Variants in FOXK2 observed in about 807,000 individuals in gnomAD.
FOXK2 encodes forkhead box protein K2.
FOXK2 carries 24 observed loss-of-function variants against 53.3 expected under a neutral mutation model. The ratio of observed to expected loss-of-function variants is 0.45; its 90% CI spans 0.33 to 0.63. The LOEUF (loss-of-function observed/expected upper bound fraction) is 0.63. Ranked by LOEUF, FOXK2 falls within the 30% of genes least tolerant of loss-of-function variation. FOXK2 has a pLI of 0.03. For synonymous variants in FOXK2, 505 were observed against 407.1 expected, an observed-to-expected ratio of 1.24 and a Z score of -2.89; for missense variants, 952 against 910.5, an observed-to-expected ratio of 1.05 and a Z score of -0.59.
chr17:82,585,910 C>T lies in FOXK2; in HGVS notation c.1286C>T (p.Pro429Leu). 5 of 1,610,612 alleles carry T rather than the reference C, an allele frequency of 3.1e-6. No individual in the cohort carries two copies. The highest frequency in any genetic ancestry group is 2.2e-5 in the South Asian group (2 of 90,988). ...CTGCTGTGTCTTTCACCAGGGTCAC[C>T]TCTGTCCAGTCAGCCAGTCTTAATC... Reference protein sequence around the residue: ...ARFAQSAPGSPLSSQPVLITV... With the variant: ...ARFAQSAPGSLLSSQPVLITV... The change falls in exon 7 of 9, where the codon CCT becomes CTT. Residue 429 changes from proline (P) to leucine (L), a missense_variant. Coordinates refer to ENST00000335255, the MANE Select transcript of FOXK2 (RefSeq NM_004514.4).
chr17:82,584,292 C>A, intron 6 of FOXK2, 104 bp downstream of exon 6: 1 of 1,219,898 alleles, frequency 8.2e-7, no homozygotes, highest in South Asian at 1.7e-5. Context: ...CTGCCTGTCC[C>A]TCTGTACCTT....
intron 7 of FOXK2, among the ~76,000 whole-genome samples, chr17:82,586,707 G>T (rs2045177123): frequency 1.3e-5 from 2 of 152,066 alleles, no homozygotes; most frequent in South Asian, 2.1e-4. Context: ...TTGGAGACCA[G>T]CCTGACCAAC....
intron 1 of FOXK2, among the ~76,000 whole-genome samples, chr17:82,535,419 C>G (rs1455085431): frequency 6.6e-6 from 1 of 152,168 alleles, no homozygotes; most frequent in Admixed American, 6.5e-5. Flanking sequence ...TTCAGACATT[C>G]TTTCTGCCCA....
intron 1 of FOXK2, among the ~76,000 whole-genome samples, chr17:82,530,515 T>G (rs545084072): frequency 5.4e-5 from 8 of 148,300 alleles, no homozygotes; most frequent in Admixed American, 1.3e-4. Context: ...GATGTGTTTT[T>G]TTTTTTTTTT....
chr17:82,570,216 T>C (rs1231339255), intron 3 of FOXK2, among the ~76,000 whole-genome samples: 3 of 145,794 alleles, frequency 2.1e-5, no homozygotes, highest in Non-Finnish European at 4.5e-5. Flanking sequence ...AGCGAGACTC[T>C]GTCTCAAAAA....
intron 1 of FOXK2, among the ~76,000 whole-genome samples, chr17:82,533,332 TGC>T (rs2044490086): frequency 6.6e-6 from 1 of 151,894 alleles, no homozygotes; most frequent in Admixed American, 6.6e-5. Context: ...CTACTAAAAA[TGC>T]AAAAAATTAG....
chr17:82,584,253 C>A, intron 6 of FOXK2, 65 bp downstream of exon 6: 1 of 1,461,144 alleles, frequency 6.8e-7, no homozygotes, highest in Non-Finnish European at 9.1e-7. Context: ...GCCTGGGCTC[C>A]ACAGAGAAGA....
intron 8 of FOXK2, 85 bp from the exon 9 acceptor site, chr17:82,601,218 C>A: frequency 7.0e-7 from 1 of 1,418,930 alleles, no homozygotes; most frequent in Non-Finnish European, 9.7e-7. Context: ...TTCTGACTCG[C>A]GAGGGTTCAC....
intron 6 of FOXK2, 129 bp downstream of exon 6, chr17:82,584,317 T>C: frequency 2.1e-6 from 2 of 965,046 alleles, no homozygotes; most frequent in Non-Finnish European, 2.9e-6. Context: ...TAGTACCTGA[T>C]TTTATAGGCC....
intron 1 of FOXK2, among the ~76,000 whole-genome samples, chr17:82,548,784 T>C (rs557290487): frequency 6.6e-6 from 1 of 152,244 alleles, no homozygotes; most frequent in Admixed American, 6.5e-5. Flanking sequence ...GGGGGAGGCA[T>C]GGGTGTTTGG....
chr17:82,601,297 T>C lies in FOXK2; in HGVS notation c.1787-6T>C. 1 of 1,607,670 alleles carries C rather than the reference T, an allele frequency of 6.2e-7. No individual in the cohort carries two copies. The highest frequency in any genetic ancestry group is 1.1e-5 in the South Asian group (1 of 90,836). Reference sequence around the variant, plus strand: ...GTGGGGTTCTGACTCCCTCGTGTCATTTCAGCCGCGGCGAGTCCTTTGCAC... The same window carrying C: ...GTGGGGTTCTGACTCCCTCGTGTCACTTCAGCCGCGGCGAGTCCTTTGCAC... On this transcript the variant is annotated splice_region_variant and splice_polypyrimidine_tract_variant and intron_variant, in intron 8 of 8. Transcript: ENST00000335255.
In FOXK2 at chr17:82,538,049, C is replaced by A. The variant is rs183790846; in HGVS notation, c.419+17742C>A. Among the ~76,000 whole-genome samples, 10 of 151,940 alleles carry A rather than the reference C, an allele frequency of 6.6e-5. No individual in the cohort carries two copies. In the East Asian group the frequency reaches 1.9e-3, roughly 29 times the overall value. ...GACTAGCTTGGCCAACATGGTGAAACCCTGTCTCTACAAAAATACAAAAAT... is the reference window on the plus strand; with the variant it reads ...GACTAGCTTGGCCAACATGGTGAAAACCTGTCTCTACAAAAATACAAAAAT... On this transcript the variant is annotated intron_variant, in intron 1 of 8. Coordinates refer to ENST00000335255, the MANE Select transcript of FOXK2 (RefSeq NM_004514.4).
chr17:82,568,823 A>C (rs1189933867), intron 3 of FOXK2, among the ~76,000 whole-genome samples: 1 of 151,862 alleles, frequency 6.6e-6, no homozygotes, highest in East Asian at 1.9e-4. Flanking sequence ...CAGCCTGGTC[A>C]ACATGGTTAA....
chr17:82,586,516 A>G (rs1373457598), intron 7 of FOXK2, among the ~76,000 whole-genome samples: 1 of 116,686 alleles, frequency 8.6e-6, no homozygotes. Flanking sequence ...GGAAAGGAGG[A>G]GAGGGGAGAC....
intron 1 of FOXK2, among the ~76,000 whole-genome samples, chr17:82,533,472 G>T (rs2044491471): frequency 6.7e-6 from 1 of 150,134 alleles, no homozygotes; most frequent in Non-Finnish European, 1.5e-5. Flanking sequence ...CCTGGGTGAT[G>T]GAGTGAGACT....
intron 8 of FOXK2, among the ~76,000 whole-genome samples, chr17:82,591,800 C>T (rs1180449063): frequency 1.3e-5 from 2 of 152,206 alleles, no homozygotes; most frequent in Non-Finnish European, 2.9e-5. Flanking sequence ...CACCACAGGC[C>T]CTTCTGCTTC....
chr17:82,588,387 AG>A, intron 8 of FOXK2: 1 of 160,208 alleles, frequency 6.2e-6, no homozygotes, highest in Non-Finnish European at 1.4e-5. Context: ...GGAAGCCGGG[AG>A]GGCTGGCGAT....
Position 82,603,025 on chromosome 17 carries a change from T to TAAAG in FOXK2, c.*1528_*1531dup, listed in dbSNP as rs1245461322. ...AATTTTAAAACATTTATTATTTACA[T>TAAAG]AAAGACCAAATATGATGAATCTGTT... On this transcript the variant is annotated 3_prime_UTR_variant, in exon 9 of 9. Coordinates refer to ENST00000335255, the MANE Select transcript of FOXK2 (RefSeq NM_004514.4). 1 of 152,614 alleles carries TAAAG rather than the reference T, an allele frequency of 6.6e-6. No homozygotes were observed. Among genetic ancestry groups the TAAAG allele is most frequent in the Non-Finnish European group, 1.5e-5 (1 of 68,042 alleles). The allele number at this position is 152,614 out of a possible 1,614,324, so 9.5% of individuals were successfully genotyped here.
Position 82,587,156 on chromosome 17 carries a change from T to C in FOXK2, c.1670T>C (p.Val557Ala), listed in dbSNP as rs760912903. The change falls in exon 8 of 9, where the codon GTG becomes GCG. Residue 557 changes from valine (V) to alanine (A), a missense_variant. By Grantham distance (64) the Val-to-Ala change is moderately conservative (BLOSUM62 0). This residue lies in a region of FOXK2 where 551 missense variants were observed against 385.1 expected (regional missense o/e 1.43). Coordinates refer to ENST00000335255, the MANE Select transcript of FOXK2 (RefSeq NM_004514.4). ...GCACAGACCACCCCGGTCCAGACGG[T>C]GACCATAGTACAACAGGCACCTCTA... ...QTAQTTPVQTVTIVQQAPLGQ... is the reference protein window; with the variant it reads ...QTAQTTPVQTATIVQQAPLGQ... 3.9e-5 allele frequency: 63 copies of C among 1,612,978 alleles called. No homozygotes were observed. Among genetic ancestry groups the C allele is most frequent in the Non-Finnish European group, 5.2e-5 (61 of 1,180,022 alleles).
Sources: gnomAD v4.1 joint callset for allele counts (sites outside exome capture counted in the v4.1 genomes callset) on GRCh38, gnomAD v4.1.1 for gene constraint, gnomAD v4.1.1 regional missense constraint, MANE v1.5 for transcripts, NCBI Gene and HGNC (gene_info 2026-07-23, HGNC 2026-07-21) for gene names.